The following CEP63 variants were observed in gnomAD, a reference collection of about 807,000 sequenced individuals.
CEP63 encodes centrosomal protein of 63 kDa.
A neutral mutation model predicts 89.1 loss-of-function variants in CEP63; 84 were observed. That is an observed-to-expected ratio of 0.94 (90% CI 0.79 to 1.13). CEP63 has a LOEUF of 1.13. CEP63 is among the 50% of genes most tolerant of loss of function. CEP63 has a pLI of 0.00. For missense variants in CEP63, 838 were observed against 813.3 expected, an observed-to-expected ratio of 1.03 and a Z score of -0.37; for synonymous variants, 267 against 272.5, an observed-to-expected ratio of 0.98 and a Z score of 0.20.
At chr3:134,665,702 C>CACACACACACACAG in the CEP63 span, among the ~76,000 whole-genome samples, 18 of 102,378 alleles carry the variant, frequency 1.8e-4, no homozygotes, top group Non-Finnish European at 2.8e-4. Context: ...CACACACACA[C>CACACACACACACAG]AGAGAGAGAG....
At chr3:134,743,478 G>A in the CEP63 span, among the ~76,000 whole-genome samples, 2 of 152,262 alleles carry the variant, frequency 1.3e-5, no homozygotes, top group South Asian at 2.1e-4. Flanking sequence ...TTCAGGCTGG[G>A]CCGTGAGAAC....
At chr3:134,709,946 G>C in the CEP63 span, among the ~76,000 whole-genome samples, 1 of 152,168 alleles carries the variant, frequency 6.6e-6, no homozygotes, top group Non-Finnish European at 1.5e-5. Flanking sequence ...TTTGAACAGA[G>C]TCTTTTCACT....
chr3:134,607,113 G>A, the CEP63 span: 6 of 985,292 alleles, frequency 6.1e-6, no homozygotes, highest in Non-Finnish European at 7.2e-6. Context: ...TCAGTTTGGT[G>A]TTGCTTTGAC....
At chr3:134,586,775 C>A (rs1454678840) in intron 10 of CEP63, among the ~76,000 whole-genome samples, 1 of 152,144 alleles carries the variant, frequency 6.6e-6, no homozygotes. Flanking sequence ...GTATAATATC[C>A]TGAAGAGTGT....
chr3:134,726,201 CCTT>C, the CEP63 span, among the ~76,000 whole-genome samples: 1 of 152,116 alleles, frequency 6.6e-6, no homozygotes, highest in African/African-American at 2.4e-5. Context: ...GAATCTGTCT[CCTT>C]CTTGTTCTCC....
chr3:134,709,971 G>T, the CEP63 span, among the ~76,000 whole-genome samples: 1 of 152,226 alleles, frequency 6.6e-6, no homozygotes, highest in African/African-American at 2.4e-5. Context: ...ATTCAGTTTT[G>T]TCTTCTCCCC....
intron 3 of CEP63, among the ~76,000 whole-genome samples, chr3:134,518,928 A>G (rs900984324): frequency 7.2e-5 from 11 of 152,112 alleles, no homozygotes; most frequent in African/African-American, 1.7e-4. Flanking sequence ...AAAAGGGGGG[A>G]AAATAACTAA....
chr3:134,732,029 G>A, the CEP63 span, among the ~76,000 whole-genome samples: 2 of 152,092 alleles, frequency 1.3e-5, no homozygotes, highest in South Asian at 2.1e-4. Flanking sequence ...GATAAATAGA[G>A]ATTAATAATG....
chr3:134,741,850 C>T, the CEP63 span, among the ~76,000 whole-genome samples: 2 of 152,280 alleles, frequency 1.3e-5, no homozygotes, highest in African/African-American at 4.8e-5. Flanking sequence ...AGGGGTTCAG[C>T]CTCAGCCCAG....
chr3:134,604,867 G>A, the CEP63 span, among the ~76,000 whole-genome samples: 1 of 152,178 alleles, frequency 6.6e-6, no homozygotes, highest in African/African-American at 2.4e-5. Flanking sequence ...CAAGTCTCAG[G>A]TCTAGCTTGC....
chr3:134,602,813 C>G, the CEP63 span, among the ~76,000 whole-genome samples: 4 of 152,346 alleles, frequency 2.6e-5, no homozygotes, highest in Middle Eastern at 0.014. Context: ...AAGGCTGCAG[C>G]TCTGCCGACA....
At chr3:134,569,489 T>TA (rs1224824570), downstream of CEP63, among the ~76,000 whole-genome samples, 3 of 152,210 alleles carry the variant, frequency 2.0e-5, no homozygotes, top group East Asian at 1.9e-4. Flanking sequence ...AGTCAAATCT[T>TA]AAAGCTCCAA....
the CEP63 span, among the ~76,000 whole-genome samples, chr3:134,757,381 A>C: frequency 0.96 from 145,702 of 152,282 alleles, 70,004 homozygotes; most frequent in East Asian, 1. Context: ...CAGACAAGCA[A>C]AATGAGTTAC....
chr3:134,567,151 G>GC (rs1491212522), downstream of CEP63, among the ~76,000 whole-genome samples: 2 of 71,938 alleles, frequency 2.8e-5, no homozygotes, highest in African/African-American at 4.8e-5. Flanking sequence ...CAGGAAGAAA[G>GC]CAAAAAAAAA....
At chr3:134,709,901 T>C in the CEP63 span, among the ~76,000 whole-genome samples, 1 of 152,336 alleles carries the variant, frequency 6.6e-6, no homozygotes, top group Non-Finnish European at 1.5e-5. Flanking sequence ...AAATGAACAA[T>C]CTGTGATTAT....
the CEP63 span, among the ~76,000 whole-genome samples, chr3:134,762,237 T>C: frequency 0.13 from 19,766 of 152,126 alleles, 1,403 homozygotes; most frequent in Middle Eastern, 0.18. Flanking sequence ...AAAGTGCGTG[T>C]CTTCCTAGTG....
chr3:134,674,332 A>T, the CEP63 span, among the ~76,000 whole-genome samples: 44 of 152,258 alleles, frequency 2.9e-4, no homozygotes, highest in Admixed American at 2.8e-3. Context: ...TAGAATAAGG[A>T]CAAAAACCAC....
intron 10 of CEP63, among the ~76,000 whole-genome samples, chr3:134,586,341 T>A (rs1958484810): frequency 6.6e-6 from 1 of 152,224 alleles, no homozygotes; most frequent in Non-Finnish European, 1.5e-5. Context: ...CAGTTGTTCC[T>A]TTCCATGTTT....
the CEP63 span, among the ~76,000 whole-genome samples, chr3:134,762,921 T>C: frequency 6.6e-6 from 1 of 152,142 alleles, no homozygotes; most frequent in Non-Finnish European, 1.5e-5. Flanking sequence ...GATGAATAAG[T>C]AGAGATGAAA....
Sources: gnomAD v4.1 joint callset for allele counts (sites outside exome capture counted in the v4.1 genomes callset) on GRCh38, gnomAD v4.1.1 for gene constraint, MANE v1.5 for transcripts, NCBI Gene and HGNC (gene_info 2026-07-23, HGNC 2026-07-21) for gene names.